PTPRC: variants seen among roughly 807,000 people sequenced by gnomAD.
PTPRC encodes protein tyrosine phosphatase receptor type C.
Under a neutral mutation model 155.9 loss-of-function variants are expected in PTPRC, and 44 were observed. The observed-to-expected ratio is 0.28, with a 90% CI of 0.22 to 0.36. The LOEUF is 0.36. Among genes scored for constraint, PTPRC ranks in the 10% least tolerant of loss-of-function variants. The probability of loss-of-function intolerance (pLI) is 1.00; values close to 1 mark genes in which losing one functional copy is unlikely to be tolerated. For missense variants in PTPRC, 1,401 were observed against 1,564.6 expected (o/e 0.90, Z 1.76); for synonymous variants, 525 against 533.1 (o/e 0.98, Z 0.21).
At chr1:198,717,784 C>T (rs2102443173) in intron 13 of PTPRC, among the ~76,000 whole-genome samples, 1 of 152,160 alleles carries the variant, frequency 6.6e-6, no homozygotes, top group Non-Finnish European at 1.5e-5. Flanking sequence ...TCTCCTCTCC[C>T]CAAACTTCCC....
rs563834910 is a variant in PTPRC, at chr1:198,757,161, T to A, written c.*980T>A. On this transcript the variant is annotated 3_prime_UTR_variant, in exon 33 of 33. Coordinates refer to ENST00000442510, the MANE Select transcript of PTPRC (RefSeq NM_002838.5). Reference sequence around the variant, plus strand: ...GCATATGCATAGTTCCCATGTTAAATCCCATTCATAACTTTCATTAAAGCA... The same window carrying A: ...GCATATGCATAGTTCCCATGTTAAAACCCATTCATAACTTTCATTAAAGCA... 4.6e-5 allele frequency: 7 copies of A among 151,936 alleles called. No homozygotes were observed. The South Asian group carries it at 1.5e-3, about 31-fold the overall frequency. The allele number at this position is 151,936 out of a possible 1,614,324, so 9.4% of individuals were successfully genotyped here. A position where few individuals can be genotyped will look rare whatever the true frequency, so the allele number is the denominator to read the frequency against.
In PTPRC at chr1:198,756,945, A is replaced by ACTT. The variant is rs1162786018; in HGVS notation, c.*765_*767dup. On this transcript the variant is annotated 3_prime_UTR_variant, in exon 33 of 33. Transcript: ENST00000442510. Reference sequence around the variant, plus strand: ...CAATATTTAAAATTTATTGCTTGATACTTTTGACAACAAATTAGGTTTTGT... The same window carrying ACTT: ...CAATATTTAAAATTTATTGCTTGATACTTCTTTTGACAACAAATTAGGTTTTGT... 5 of 151,944 alleles carry ACTT rather than the reference A, an allele frequency of 3.3e-5. No individual in the cohort carries two copies. Among genetic ancestry groups the ACTT allele is most frequent in the Admixed American group, 3.3e-4 (5 of 15,226 alleles). 9.4% of individuals were successfully genotyped at this position (151,944 alleles called of 1,614,324 possible).
At chr1:198,734,548 A>C in intron 22 of PTPRC, 123 bp downstream of exon 22, 1 of 883,056 alleles carries the variant, frequency 1.1e-6, no homozygotes, top group South Asian at 1.4e-5. Flanking sequence ...TATTTTAATC[A>C]GTGTTAACAT....
chr1:198,691,186 A>T (rs1665905938), intron 2 of PTPRC, among the ~76,000 whole-genome samples: 1 of 152,058 alleles, frequency 6.6e-6, no homozygotes, highest in South Asian at 2.1e-4. Context: ...TGCAAAATGT[A>T]TCTATATGCT....
At chr1:198,684,874 T>C (rs1665533819) in intron 2 of PTPRC, among the ~76,000 whole-genome samples, 1 of 152,058 alleles carries the variant, frequency 6.6e-6, no homozygotes, top group Non-Finnish European at 1.5e-5. Context: ...GAGCTCTATC[T>C]TTCTTTCTTA....
At chr1:198,729,893 A>G (rs902555148) in intron 17 of PTPRC, among the ~76,000 whole-genome samples, 7 of 152,070 alleles carry the variant, frequency 4.6e-5, no homozygotes, top group Admixed American at 2.0e-4. Context: ...CAAATGAGGG[A>G]GTGGTGGAGG....
At chr1:198,657,115 C>G (rs971354753) in intron 2 of PTPRC, among the ~76,000 whole-genome samples, 2 of 151,038 alleles carry the variant, frequency 1.3e-5, no homozygotes, top group Non-Finnish European at 3.0e-5. Context: ...TTTTGATTTA[C>G]CTCTTTCTAG....
chr1:198,694,234 T>A, intron 3 of PTPRC: 1 of 1,209,182 alleles, frequency 8.3e-7, no homozygotes, highest in Non-Finnish European at 1.1e-6. Flanking sequence ...ACCAGAAGAC[T>A]CAGCAAGCTC....
chr1:198,673,290 C>A (rs561143124), intron 2 of PTPRC, among the ~76,000 whole-genome samples: 1 of 152,028 alleles, frequency 6.6e-6, no homozygotes, highest in Non-Finnish European at 1.5e-5. Flanking sequence ...ATATTTTGAT[C>A]AAAATAATTA....
chr1:198,679,554 C>G, intron 2 of PTPRC: 1 of 173,894 alleles, frequency 5.8e-6, no homozygotes, highest in South Asian at 1.2e-4. Flanking sequence ...AGGAGTGAGC[C>G]ACCTTGCCCG....
chr1:198,716,860 GCTT>G lies in PTPRC; in HGVS notation c.1450+24_1450+26del. ...GTGCTCGTAAGTTATATGTTTTAAT[GCTT>G]CTTTCCATAAATGGTAAAAAGCAAG... On this transcript the variant is annotated intron_variant, in intron 13 of 32. Coordinates refer to ENST00000442510, the MANE Select transcript of PTPRC (RefSeq NM_002838.5). The G allele has an allele frequency of 1.9e-6, 3 of 1,610,494 alleles. 1 individual carries two copies. In the South Asian group the frequency reaches 3.3e-5, roughly 18 times the overall value.
chr1:198,717,231 A>G (rs1372976909), intron 13 of PTPRC, among the ~76,000 whole-genome samples: 3 of 152,242 alleles, frequency 2.0e-5, no homozygotes, highest in African/African-American at 7.2e-5. Context: ...ACCTCTGTTC[A>G]TCTGATAAAA....
chr1:198,730,466 G>A (rs994526375), intron 17 of PTPRC, among the ~76,000 whole-genome samples: 4 of 152,090 alleles, frequency 2.6e-5, no homozygotes, highest in Non-Finnish European at 5.9e-5. Flanking sequence ...GTACCAAAGT[G>A]AGTACCTAGG....
intron 2 of PTPRC, among the ~76,000 whole-genome samples, chr1:198,651,910 C>G (rs531631251): frequency 6.6e-6 from 1 of 151,828 alleles, no homozygotes; most frequent in South Asian, 2.1e-4. Flanking sequence ...TCAATGCACA[C>G]CAGGCTATTC....
intron 3 of PTPRC, chr1:198,694,432 C>T (rs1273588656): frequency 9.3e-7 from 1 of 1,080,210 alleles, no homozygotes; most frequent in East Asian, 5.1e-5. Context: ...TTGCATCCTT[C>T]AATCCAATCA....
intron 23 of PTPRC, 26 bp from the exon 24 acceptor site, chr1:198,741,843 C>G (rs1275181411): frequency 1.2e-6 from 2 of 1,605,670 alleles, no homozygotes; most frequent in Middle Eastern, 3.3e-4. Flanking sequence ...AAAATCATCT[C>G]AAAGAAAATA....
In PTPRC at chr1:198,752,844, C is replaced by CTAGT. The variant is rs958090656; in HGVS notation, c.3509+75_3509+78dup. 6 of 1,505,576 alleles carry CTAGT rather than the reference C, an allele frequency of 4.0e-6. No homozygotes were observed. The African/African-American group carries it at 8.2e-5, about 21-fold the overall frequency. The allele number at this position is 1,505,576 out of a possible 1,614,324, so 93.3% of individuals were successfully genotyped here. On this transcript the variant is annotated intron_variant, in intron 31 of 32. Transcript: ENST00000442510. ...CTTCTCGGTTCACATGTTGTCTTAT[C>CTAGT]TAGTTATCCTCATATATGAAACACA...
chr1:198,732,347 G>A lies in PTPRC; in HGVS notation c.2022G>A (p.Lys674=), dbSNP rs190742492. Residue 674 remains lysine, a synonymous_variant, in exon 19 of 33, where the codon AAG becomes AAA. Coordinates refer to ENST00000442510, the MANE Select transcript of PTPRC (RefSeq NM_002838.5). ...FSKFPIKEAR[K]PFNQNKNRYV... is the part of the protein sequence containing the mutation. Reference sequence around the variant, plus strand: ...AGTTTCCTATAAAGGAAGCTCGAAAGCCCTTTAACCAGAATAAAAACCGTT... The same window carrying A: ...AGTTTCCTATAAAGGAAGCTCGAAAACCCTTTAACCAGAATAAAAACCGTT... The A allele has an allele frequency of 2.5e-5, 41 of 1,612,608 alleles. 1 individual carries two copies. The East Asian group carries it at 9.2e-4, about 36-fold the overall frequency.
chr1:198,699,232 A>G (rs1666348034), intron 4 of PTPRC, among the ~76,000 whole-genome samples: 1 of 152,176 alleles, frequency 6.6e-6, no homozygotes, highest in Admixed American at 6.5e-5. Context: ...TATTCTCCCT[A>G]CAAAGAAATG....
Sources: gnomAD v4.1 joint callset for allele counts (sites outside exome capture counted in the v4.1 genomes callset) on GRCh38, gnomAD v4.1.1 for gene constraint, MANE v1.5 for transcripts, NCBI Gene and HGNC (gene_info 2026-07-23, HGNC 2026-07-21) for gene names.